RIN3: variants seen among roughly 807,000 people sequenced by gnomAD.
RIN3 encodes RAB5 interacting protein 3.
A neutral mutation model predicts 76.3 loss-of-function variants in RIN3; 54 were observed. The observed-to-expected ratio is 0.71, with a 90% CI of 0.57 to 0.89. The LOEUF (loss-of-function observed/expected upper bound fraction) is 0.89. Ranked by LOEUF, RIN3 falls within the 40% of genes least tolerant of loss-of-function variation. The pLI is 0.00. For synonymous variants in RIN3, 576 were observed against 564.0 expected (o/e 1.02, Z -0.30); for missense variants, 1,256 against 1,322.1 (o/e 0.95, Z 0.78).
At chr14:92,635,988 T>A (rs1886761521) in intron 4 of RIN3, among the ~76,000 whole-genome samples, 1 of 152,220 alleles carries the variant, frequency 6.6e-6, no homozygotes, top group African/African-American at 2.4e-5. Flanking sequence ...GTTACAAGCC[T>A]GAACCCTCCA....
intron 1 of RIN3, among the ~76,000 whole-genome samples, chr14:92,554,198 C>T (rs1443017731): frequency 6.6e-6 from 1 of 152,116 alleles, no homozygotes; most frequent in Admixed American, 6.5e-5. Context: ...ACCTTCTGGC[C>T]CACCCAACTC....
At chr14:92,621,192 C>T (rs538473405) in intron 4 of RIN3, among the ~76,000 whole-genome samples, 11 of 129,252 alleles carry the variant, frequency 8.5e-5, no homozygotes, top group African/African-American at 2.7e-4. Flanking sequence ...GCCAAGATTA[C>T]GCCACTGCAC....
At chr14:92,674,248 C>T (rs1173512514) in intron 7 of RIN3, among the ~76,000 whole-genome samples, 1 of 152,196 alleles carries the variant, frequency 6.6e-6, no homozygotes, top group African/African-American at 2.4e-5. Context: ...GGGTTGGAGA[C>T]TCAGCCTTCA....
chr14:92,676,646 C>T (rs950734470), intron 8 of RIN3, 40 bp downstream of exon 8: 1 of 1,599,470 alleles, frequency 6.3e-7, no homozygotes. Context: ...CATTGCACAC[C>T]CCCAACTCAG....
At chr14:92,545,964 C>T (rs1016417567) in intron 1 of RIN3, among the ~76,000 whole-genome samples, 1 of 150,324 alleles carries the variant, frequency 6.7e-6, no homozygotes, top group Non-Finnish European at 1.5e-5. Context: ...CTTGCTTTGT[C>T]CCCCAGGCCG....
intron 3 of RIN3, among the ~76,000 whole-genome samples, chr14:92,614,117 C>G (rs765629815): frequency 3.9e-5 from 6 of 152,354 alleles, no homozygotes; most frequent in African/African-American, 1.4e-4. Context: ...GCACCCTGCC[C>G]CTCCGAGGAG....
At chr14:92,649,636 C>G (rs550954428) in intron 5 of RIN3, among the ~76,000 whole-genome samples, 3 of 152,210 alleles carry the variant, frequency 2.0e-5, no homozygotes, top group Non-Finnish European at 4.4e-5. Flanking sequence ...CATGGAGGAG[C>G]CATGCGCTGC....
chr14:92,626,452 T>G (rs1441584203), intron 4 of RIN3, among the ~76,000 whole-genome samples: 1 of 152,298 alleles, frequency 6.6e-6, no homozygotes, highest in South Asian at 2.1e-4. Flanking sequence ...ACCTCTGAAC[T>G]AGTCAAGGGA....
At chr14:92,607,167 A>C (rs537935629) in intron 3 of RIN3, among the ~76,000 whole-genome samples, 2 of 152,384 alleles carry the variant, frequency 1.3e-5, no homozygotes, top group Non-Finnish European at 2.9e-5. Context: ...CAACATCATT[A>C]ATTATTTGAG....
chr14:92,518,650 G>A (rs1054322096), intron 1 of RIN3, among the ~76,000 whole-genome samples: 1 of 152,206 alleles, frequency 6.6e-6, no homozygotes. Context: ...GGGGGAAGGA[G>A]AGGCCAGCCC....
In RIN3 at chr14:92,688,069, G is replaced by T. The variant is rs1388675526; in HGVS notation, c.2775G>T (p.Val925=). Residue 925 remains valine, a synonymous_variant, in exon 10 of 10, where the codon GTG becomes GTT. Coordinates refer to ENST00000216487, the MANE Select transcript of RIN3 (RefSeq NM_024832.5). The part of the protein sequence containing the change: ...VERPQAHRLF[V]LVDGRCFQLA... The stretch of plus-strand genomic sequence containing the variant: ...GGCCGCAGGCGCACCGGCTGTTCGT[G>T]CTGGTGGACGGGCGCTGCTTCCAGC... 1 of 1,605,212 alleles carries T rather than the reference G, an allele frequency of 6.2e-7. No individual in the cohort carries two copies. The highest frequency in any genetic ancestry group is 1.7e-5 in the Admixed American group (1 of 59,476).
At chr14:92,664,665 C>T (rs902580213) in intron 7 of RIN3, among the ~76,000 whole-genome samples, 3 of 152,002 alleles carry the variant, frequency 2.0e-5, no homozygotes, top group East Asian at 1.9e-4. Context: ...CCACTGAGCC[C>T]GGCCATTCAT....
At chr14:92,557,971 G>A (rs1036837244) in intron 2 of RIN3, among the ~76,000 whole-genome samples, 2 of 152,242 alleles carry the variant, frequency 1.3e-5, no homozygotes, top group African/African-American at 2.4e-5. Flanking sequence ...AGTGGGGGAT[G>A]GTCCCAGGAG....
intron 5 of RIN3, among the ~76,000 whole-genome samples, chr14:92,651,225 ATGCCTTCCC>A: frequency 6.6e-6 from 1 of 151,928 alleles, no homozygotes; most frequent in Non-Finnish European, 1.5e-5. Context: ...TGCTCTCACC[ATGCCTTCCC>A]CACGGCTCCA....
chr14:92,610,505 G>T (rs1175771697), intron 3 of RIN3, among the ~76,000 whole-genome samples: 3 of 152,212 alleles, frequency 2.0e-5, no homozygotes, highest in African/African-American at 7.2e-5. Context: ...AGTGAGACCT[G>T]CTCCTGCCCC....
chr14:92,582,198 C>A (rs567531684), intron 3 of RIN3, among the ~76,000 whole-genome samples: 1 of 152,270 alleles, frequency 6.6e-6, no homozygotes, highest in African/African-American at 2.4e-5. Flanking sequence ...TTGGGTCACT[C>A]AGAGACAGAG....
chr14:92,577,937 A>T (rs1294873987), intron 3 of RIN3, among the ~76,000 whole-genome samples: 1 of 152,206 alleles, frequency 6.6e-6, no homozygotes, highest in Non-Finnish European at 1.5e-5. Context: ...AGGGACAAAC[A>T]CTTTGAAAGA....
intron 3 of RIN3, among the ~76,000 whole-genome samples, chr14:92,595,831 A>G (rs540602143): frequency 1.3e-5 from 2 of 152,350 alleles, no homozygotes; most frequent in Admixed American, 1.3e-4. Context: ...ATGGTAAAGG[A>G]AAATACATGT....
At chr14:92,675,972 A>G (rs1025103628) in intron 7 of RIN3, among the ~76,000 whole-genome samples, 2 of 152,104 alleles carry the variant, frequency 1.3e-5, no homozygotes, top group African/African-American at 4.8e-5. Flanking sequence ...GGCCTTAGGA[A>G]AGGGCACTGT....
Sources: allele counts gnomAD v4.1 joint callset (sites outside exome capture counted in the v4.1 genomes callset), GRCh38; gene constraint gnomAD v4.1.1; transcripts MANE v1.5; gene names NCBI Gene and HGNC (gene_info 2026-07-23, HGNC 2026-07-21).